The following STX7 variants were observed in gnomAD, a reference collection of about 807,000 sequenced individuals.
The protein encoded by STX7 is syntaxin-7.
A neutral mutation model predicts 39.6 loss-of-function variants in STX7; 34 were observed. The observed-to-expected ratio is 0.86, with a 90% CI of 0.65 to 1.14. The LOEUF (loss-of-function observed/expected upper bound fraction) is 1.14, where lower values mean the gene tolerates loss of function less well. STX7 is among the 50% of genes most tolerant of loss of function. The pLI, the probability that STX7 is intolerant of heterozygous loss-of-function variation, is 0.00. For missense variants in STX7, 284 were observed against 310.4 expected (o/e 0.92, Z 0.64); for synonymous variants, 119 against 99.1 (o/e 1.20, Z -1.19).
rs148796610 is a variant in STX7 at position 132,479,524 on chromosome 6, A to T, written c.86-3862T>A. On this transcript the variant is annotated intron_variant, in intron 2 of 9. Coordinates refer to ENST00000367941, the MANE Select transcript of STX7 (RefSeq NM_003569.3). ...CAAGTGACTCTAGCTGTTCACCATGAATTGTATCTTGTTGGTACAGCCTTT... is the reference window on the plus strand; with the variant it reads ...CAAGTGACTCTAGCTGTTCACCATGTATTGTATCTTGTTGGTACAGCCTTT... Among the ~76,000 whole-genome samples the T allele has an allele frequency of 3.1e-3, 477 of 152,336 alleles. 2 individuals carry two copies. Among genetic ancestry groups the T allele is most frequent in the African/African-American group, 0.011 (463 of 41,572 alleles).
At position 132,457,567 on chromosome 6, in the gene STX7, G is replaced by T. The variant is rs1235992905; in HGVS notation, c.*3191C>A. On this transcript the variant is annotated 3_prime_UTR_variant, in exon 10 of 10. Coordinates refer to ENST00000367941, the MANE Select transcript of STX7 (RefSeq NM_003569.3). ...CCCATTGGTTTAAAATTTGATAAGTGTATTTCTTTGCTGACAAGTCAAACT... is the reference window on the plus strand; with the variant it reads ...CCCATTGGTTTAAAATTTGATAAGTTTATTTCTTTGCTGACAAGTCAAACT... 3.3e-5 allele frequency: 5 copies of T among 152,210 alleles called. No individual in the cohort carries two copies. The highest frequency in any genetic ancestry group is 3.3e-4 in the Admixed American group (5 of 15,278). 9.4% of individuals were successfully genotyped at this position (152,210 alleles called of 1,614,324 possible). A position where few individuals can be genotyped will look rare whatever the true frequency, so the allele number is the denominator to read the frequency against.
intron 8 of STX7, among the ~76,000 whole-genome samples, chr6:132,466,927 A>T (rs1774579287): frequency 6.6e-6 from 1 of 152,206 alleles, no homozygotes; most frequent in South Asian, 2.1e-4. Context: ...CCAGCCAGTC[A>T]GTAAATCTTT....
intron 1 of STX7, among the ~76,000 whole-genome samples, chr6:132,508,645 G>A (rs1775766137): frequency 6.6e-6 from 1 of 152,104 alleles, no homozygotes; most frequent in Non-Finnish European, 1.5e-5. Flanking sequence ...GAGTAGCTGG[G>A]TCCACAGGCA....
chr6:132,465,733 C>G (rs551992359), intron 8 of STX7, among the ~76,000 whole-genome samples: 32 of 152,290 alleles, frequency 2.1e-4, no homozygotes, highest in Admixed American at 9.2e-4. Flanking sequence ...CATTTCCACA[C>G]GTTTTCATGA....
At position 132,455,568 on chromosome 6, in the gene STX7, A is replaced by G. The variant is rs1405791254; in HGVS notation, c.*5190T>C. 2.0e-5 allele frequency: 3 copies of G among 152,170 alleles called. No homozygotes were observed. The highest frequency in any genetic ancestry group is 4.4e-5 in the Non-Finnish European group (3 of 68,032). 9.4% of individuals were successfully genotyped at this position (152,170 alleles called of 1,614,324 possible). A position where few individuals can be genotyped will look rare whatever the true frequency, so the allele number is the denominator to read the frequency against. On this transcript the variant is annotated 3_prime_UTR_variant, in exon 10 of 10. Coordinates refer to ENST00000367941, the MANE Select transcript of STX7 (RefSeq NM_003569.3). ...GACAGGAAATCTGGTTTTGCCTTCC[A>G]CCACTTACATTTTAAGCATAAATGC...
chr6:132,457,249 C>CAA lies in STX7; in HGVS notation c.*3507_*3508dup, dbSNP rs1774265286. On this transcript the variant is annotated 3_prime_UTR_variant, in exon 10 of 10. Transcript: ENST00000367941. ...TTTCTAACTGAATTGTTAAAATATGCAAAATTCACATTAAAGAAGTTTCCT... is the reference window on the plus strand; with the variant it reads ...TTTCTAACTGAATTGTTAAAATATGCAAAAAATTCACATTAAAGAAGTTTCCT... 6.6e-6 allele frequency: 1 copy of CAA among 152,188 alleles called. No homozygotes were observed. The highest frequency in any genetic ancestry group is 1.5e-5 in the Non-Finnish European group (1 of 68,040). 9.4% of individuals were successfully genotyped at this position (152,188 alleles called of 1,614,324 possible).
At chr6:132,512,677 C>G (rs1775879700) in intron 1 of STX7, among the ~76,000 whole-genome samples, 1 of 152,230 alleles carries the variant, frequency 6.6e-6, no homozygotes, top group South Asian at 2.1e-4. Flanking sequence ...GGCGCCCTCC[C>G]CGGGGTGCGC....
chr6:132,505,632 G>A (rs1002918118), intron 1 of STX7, among the ~76,000 whole-genome samples: 1 of 150,718 alleles, frequency 6.6e-6, no homozygotes, highest in African/African-American at 2.4e-5. Context: ...AGGTAGCCTT[G>A]GACTTGGGCC....
At position 132,450,584 on chromosome 6, in the gene STX7, A is replaced by G. The variant is rs1474178894; in HGVS notation, c.*10174T>C. On this transcript the variant is annotated 3_prime_UTR_variant, in exon 10 of 10. Transcript: ENST00000367941. The stretch of plus-strand genomic sequence containing the variant: ...GTTTATACTCCAGGGGTCAACCAAC[A>G]TTTTCGGTAAAGGGCCAGAAATTTT... 1.3e-5 allele frequency: 2 copies of G among 152,122 alleles called. No individual in the cohort carries two copies. The highest frequency in any genetic ancestry group is 4.8e-5 in the African/African-American group (2 of 41,450). 9.4% of individuals were successfully genotyped at this position (152,122 alleles called of 1,614,324 possible).
At chr6:132,486,896 A>G (rs1775147858) in intron 2 of STX7, among the ~76,000 whole-genome samples, 1 of 152,104 alleles carries the variant, frequency 6.6e-6, no homozygotes, top group Non-Finnish European at 1.5e-5. Context: ...TGAACTCCCG[A>G]CATCAGGTGA....
chr6:132,452,436 T>C lies in STX7; in HGVS notation c.*8322A>G, dbSNP rs1229267068. On this transcript the variant is annotated 3_prime_UTR_variant, in exon 10 of 10. Coordinates refer to ENST00000367941, the MANE Select transcript of STX7 (RefSeq NM_003569.3). ...GGAATATAGGTCAGAAATGAAGAGA[T>C]AAAACTATTCATTATTTGCAGATGA... 6.6e-6 allele frequency: 1 copy of C among 151,592 alleles called. No individual in the cohort carries two copies. Among genetic ancestry groups the C allele is most frequent in the African/African-American group, 2.4e-5 (1 of 41,262 alleles). The allele number at this position is 151,592 out of a possible 1,614,324, so 9.4% of individuals were successfully genotyped here.
At chr6:132,504,858 G>C (rs1344301322) in intron 1 of STX7, among the ~76,000 whole-genome samples, 1 of 152,220 alleles carries the variant, frequency 6.6e-6, no homozygotes. Context: ...TGGATGCTTG[G>C]TTATGACCAG....
rs1245231111 is a variant in STX7 at position 132,454,758 on chromosome 6, T to C, written c.*6000A>G. The C allele has an allele frequency of 6.6e-6, 1 of 152,152 alleles. No homozygotes were observed. The highest frequency in any genetic ancestry group is 1.5e-5 in the Non-Finnish European group (1 of 68,010). The allele number at this position is 152,152 out of a possible 1,614,324, so 9.4% of individuals were successfully genotyped here. On this transcript the variant is annotated 3_prime_UTR_variant, in exon 10 of 10. Transcript: ENST00000367941. ...CTAATTTTGAACAAAAAATGTTTGT[T>C]TATTGCCTCCAAGATAGAACATGAA...
Position 132,477,914 on chromosome 6 carries a change from T to C in STX7, c.86-2252A>G, listed in dbSNP as rs536281106. On this transcript the variant is annotated intron_variant, in intron 2 of 9. Coordinates refer to ENST00000367941, the MANE Select transcript of STX7 (RefSeq NM_003569.3). Reference sequence around the variant, plus strand: ...TCTTGCAATTTACAAAAGGCAAATGTGTACATAACAAAACTTCAACTTCAC... The same window carrying C: ...TCTTGCAATTTACAAAAGGCAAATGCGTACATAACAAAACTTCAACTTCAC... Among the ~76,000 whole-genome samples, 12 of 152,282 alleles carry C rather than the reference T, an allele frequency of 7.9e-5. No individual in the cohort carries two copies. The East Asian group carries it at 2.1e-3, about 27-fold the overall frequency.
At chr6:132,473,217 G>A (rs1774779041) in intron 3 of STX7, among the ~76,000 whole-genome samples, 1 of 152,092 alleles carries the variant, frequency 6.6e-6, no homozygotes, top group South Asian at 2.1e-4. Context: ...TATTATTTAA[G>A]TTTACGCTGG....
Position 132,471,502 on chromosome 6 carries a change from T to C in STX7, c.348A>G (p.Lys116=), listed in dbSNP as rs1279346626. The C allele has an allele frequency of 3.1e-6, 5 of 1,613,942 alleles. No homozygotes were observed. The highest frequency in any genetic ancestry group is 2.5e-6 in the Non-Finnish European group (3 of 1,179,952). The change falls in exon 5 of 10, where the codon AAA becomes AAG. Residue 116 remains lysine (K), a synonymous_variant. Coordinates refer to ENST00000367941, the MANE Select transcript of STX7 (RefSeq NM_003569.3). ...TGGCTCTTACTCGAGCAACAAACTC[T>C]TTCTCTCGCTCAGCAGCCTGCCTCT... ...KVQRQAAERE[K]EFVARVRASS...
chr6:132,499,081 G>A (rs1008511005), intron 2 of STX7, among the ~76,000 whole-genome samples: 7 of 152,104 alleles, frequency 4.6e-5, no homozygotes, highest in South Asian at 2.1e-4. Context: ...TGTACCACAC[G>A]TAGCCTCACC....
chr6:132,509,456 AC>A (rs372889112), intron 1 of STX7, among the ~76,000 whole-genome samples: 118,494 of 135,056 alleles, frequency 0.88, 52,235 homozygotes, highest in Middle Eastern at 0.98. Context: ...TCTCAAAATA[AC>A]ATAACATAAC....
chr6:132,500,024 C>T (rs147198470), intron 2 of STX7, among the ~76,000 whole-genome samples: 2 of 152,232 alleles, frequency 1.3e-5, no homozygotes, highest in East Asian at 1.9e-4. Context: ...CAGCAAGTCC[C>T]GCTGGCTCTA....
Sources: allele counts gnomAD v4.1 joint callset (sites outside exome capture counted in the v4.1 genomes callset), GRCh38; gene constraint gnomAD v4.1.1; transcripts MANE v1.5; gene names NCBI Gene and HGNC (gene_info 2026-07-23, HGNC 2026-07-21).